The following PLEKHG4B variants were observed in gnomAD, a reference collection of about 807,000 sequenced individuals.
PLEKHG4B encodes the protein pleckstrin homology domain-containing family G member 4B.
PLEKHG4B carries 111 observed loss-of-function variants against 121.3 expected under a neutral mutation model. The ratio of observed to expected loss-of-function variants is 0.92; its 90% CI spans 0.78 to 1.07. The LOEUF is 1.07. Among genes scored for constraint, PLEKHG4B ranks in the 50% least tolerant of loss-of-function variants. The probability of loss-of-function intolerance (pLI) is 0.00; values close to 1 mark genes in which losing one functional copy is unlikely to be tolerated. For missense variants in PLEKHG4B, 1,831 were observed against 1,757.8 expected (o/e 1.04, Z -0.74); for synonymous variants, 738 against 725.0 (o/e 1.02, Z -0.29).
In PLEKHG4B at chr5:183,986, TAGATCGATAGATA is replaced by T. The variant is rs1560961846; in HGVS notation, c.*1664_*1676del. 4.0e-5 allele frequency: 2 copies of T among 49,694 alleles called. No homozygotes were observed. Among genetic ancestry groups the T allele is most frequent in the African/African-American group, 1.2e-4 (2 of 16,994 alleles). 3.1% of individuals were successfully genotyped at this position (49,694 alleles called of 1,614,324 possible). A position where few individuals can be genotyped will look rare whatever the true frequency, so the allele number is the denominator to read the frequency against. The stretch of plus-strand genomic sequence containing the variant: ...ATATACAGACAGATAGATAGATAGA[TAGATCGATAGATA>T]GATAGATAGATAGATAGATAGATAG... On this transcript the variant is annotated 3_prime_UTR_variant, in exon 20 of 20. Coordinates refer to ENST00000637938, the MANE Select transcript of PLEKHG4B (RefSeq NM_052909.5).
intron 14 of PLEKHG4B, among the ~76,000 whole-genome samples, chr5:170,392 T>A (rs1051959091): frequency 6.6e-6 from 1 of 152,046 alleles, no homozygotes; most frequent in Non-Finnish European, 1.5e-5. Flanking sequence ...AGACTCCGCC[T>A]CCCGAGTTCA....
intron 3 of PLEKHG4B, among the ~76,000 whole-genome samples, chr5:141,594 A>G (rs1304086268): frequency 6.6e-6 from 1 of 151,866 alleles, no homozygotes; most frequent in African/African-American, 2.4e-5. Context: ...TCAGTTTCCA[A>G]CTGGAGGCCA....
In PLEKHG4B at chr5:156,653, C is replaced by A; in HGVS notation, c.2349-120C>A. 7.6e-7 allele frequency: 1 copy of A among 1,312,554 alleles called. No individual in the cohort carries two copies. Among genetic ancestry groups the A allele is most frequent in the South Asian group, 1.5e-5 (1 of 65,376 alleles). The allele number at this position is 1,312,554 out of a possible 1,614,324, so 81.3% of individuals were successfully genotyped here. On this transcript the variant is annotated intron_variant, in intron 10 of 19. Transcript: ENST00000637938. This position sits in a 1 kb window ranked among gnomAD's most constrained non-coding sequence, Gnocchi z 4.4. The stretch of plus-strand genomic sequence containing the variant: ...CTCGGTTGTGGGCCTCCTCCTGGGG[C>A]TCCCGTTGCCTTGTGGCATGAGGGA...
chr5:141,710 C>CTT (rs1735210144), intron 3 of PLEKHG4B, among the ~76,000 whole-genome samples: 5 of 126,488 alleles, frequency 4.0e-5, no homozygotes, highest in Non-Finnish European at 6.4e-5. Context: ...TTAAATATTT[C>CTT]ATTTTTTTTT....
At chr5:166,371 G>GA in intron 13 of PLEKHG4B, among the ~76,000 whole-genome samples, 1 of 114,138 alleles carries the variant, frequency 8.8e-6, no homozygotes, top group Non-Finnish European at 1.9e-5. Flanking sequence ...TGCTCTGACG[G>GA]GGCGGGGCTC....
rs111356467 is a variant in PLEKHG4B at position 136,794 on chromosome 5, G to A, written c.244-2689G>A. Among the ~76,000 whole-genome samples the A allele has an allele frequency of 4.3e-3, 661 of 152,306 alleles. 6 individuals carry two copies. The highest frequency in any genetic ancestry group is 0.015 in the African/African-American group (627 of 41,562). ...GACGTAAAATGGTGCAGCTGCTGTG[G>A]AAACAGTTCTTCAAAAGAGTGAACA... On this transcript the variant is annotated intron_variant, in intron 2 of 19. Coordinates refer to ENST00000637938, the MANE Select transcript of PLEKHG4B (RefSeq NM_052909.5).
intron 6 of PLEKHG4B, among the ~76,000 whole-genome samples, chr5:147,247 C>T (rs1414157926): frequency 8.5e-5 from 13 of 152,238 alleles, no homozygotes; most frequent in African/African-American, 1.2e-4. Flanking sequence ...TCAGGAAAGC[C>T]TCAGGGAGGC....
At position 162,959 on chromosome 5, in the gene PLEKHG4B, C is replaced by G; in HGVS notation, c.2887C>G (p.Pro963Ala). The stretch of plus-strand genomic sequence containing the variant: ...GGAAGAGGCCCTTTCTGAGGCTGCC[C>G]CAGACCCCAGCTTACCGCCCCTTGC... ...RLEEALSEAA[P>A]DPSLPPLAQS... The change falls in exon 13 of 20, where the codon CCA becomes GCA. Residue 963 changes from proline to alanine, a missense_variant. Coordinates refer to ENST00000637938, the MANE Select transcript of PLEKHG4B (RefSeq NM_052909.5). The G allele has an allele frequency of 6.4e-7, 1 of 1,561,228 alleles. No individual in the cohort carries two copies.
chr5:110,948 C>G (rs144829408), intron 1 of PLEKHG4B, among the ~76,000 whole-genome samples: 85 of 152,402 alleles, frequency 5.6e-4, no homozygotes, highest in African/African-American at 2.0e-3. Flanking sequence ...TGCAGGTCCC[C>G]TGCCCTGTGT....
At chr5:151,674 A>G (rs1735611354) in intron 7 of PLEKHG4B, 75 bp downstream of exon 7, 3 of 975,750 alleles carry the variant, frequency 3.1e-6, no homozygotes, top group Non-Finnish European at 3.1e-6. Flanking sequence ...GATGAAACAC[A>G]TGAAGGAATT....
rs933123783 is a variant in PLEKHG4B at position 188,944 on chromosome 5, C to G, written c.*6621C>G. On this transcript the variant is annotated 3_prime_UTR_variant, in exon 20 of 20. Transcript: ENST00000637938. Reference sequence around the variant, plus strand: ...AGCGGGTCCTAGGGAGAGGCCCGTGCGACGTGAGTAACAGCAGTTTTTCTT... The same window carrying G: ...AGCGGGTCCTAGGGAGAGGCCCGTGGGACGTGAGTAACAGCAGTTTTTCTT... The G allele has an allele frequency of 6.6e-6, 1 of 152,248 alleles. No individual in the cohort carries two copies. The highest frequency in any genetic ancestry group is 1.5e-5 in the Non-Finnish European group (1 of 68,050). 9.4% of individuals were successfully genotyped at this position (152,248 alleles called of 1,614,324 possible). A position where few individuals can be genotyped will look rare whatever the true frequency, so the allele number is the denominator to read the frequency against.
rs1033492639 is a variant in PLEKHG4B, at chr5:151,567, G to A, written c.1960G>A (p.Ala654Thr). The A allele has an allele frequency of 3.1e-6, 5 of 1,592,360 alleles. No homozygotes were observed. In the African/African-American group the frequency reaches 4.0e-5, roughly 13 times the overall value. Reference protein sequence around the residue: ...SILLLVDKESAFRPDKDAIIQ... With the variant: ...SILLLVDKESTFRPDKDAIIQ... ...CTTGCTGTTGGTAGATAAAGAATCT[G>A]CATTTAGGCCTGACAAGGATGCAAT... is the stretch of plus-strand genomic sequence containing the variant. Residue 654 changes from alanine to threonine, a missense_variant, in exon 7 of 20, where the codon GCA (alanine) becomes ACA (threonine). Transcript: ENST00000637938.
intron 9 of PLEKHG4B, among the ~76,000 whole-genome samples, chr5:155,694 G>A (rs756163851): frequency 5.9e-5 from 9 of 152,204 alleles, no homozygotes; most frequent in Non-Finnish European, 8.8e-5. Context: ...AGGTGTGAGC[G>A]GCAACCGCTG....
In PLEKHG4B at chr5:169,664, CA is replaced by C. The variant is rs1231196756; in HGVS notation, c.3729+73del. 5 of 1,578,492 alleles carry C rather than the reference CA, an allele frequency of 3.2e-6. No homozygotes were observed. In the African/African-American group the frequency reaches 6.7e-5, roughly 21 times the overall value. On this transcript the variant is annotated intron_variant, in intron 14 of 19. Coordinates refer to ENST00000637938, the MANE Select transcript of PLEKHG4B (RefSeq NM_052909.5). ...GCCGGTGTCAGAGAGGCGGGGCCTA[CA>C]GGGCCCACGTGTCAGGCGGTTGGAA...
At chr5:94,482 GGC>G (rs58869228) in intron 1 of PLEKHG4B, among the ~76,000 whole-genome samples, 14 of 112,502 alleles carry the variant, frequency 1.2e-4, no homozygotes, top group South Asian at 2.2e-4. Flanking sequence ...TGGGTGGCGG[GGC>G]TGGAGGGGGT....
chr5:139,932 C>G lies in PLEKHG4B; in HGVS notation c.693C>G (p.Thr231=). Residue 231 remains threonine (T), a synonymous_variant, in exon 3 of 20, where the codon ACC becomes ACG. Transcript: ENST00000637938. This position sits in a 1 kb window ranked among gnomAD's most constrained non-coding sequence, Gnocchi z 5.0. ...GCCCCTCAGAGGCCCCAGTCCCCAC[C>G]CAAGCCACAGCAGGCCCCCATTTCC... is the stretch of plus-strand genomic sequence containing the variant. ...PSSPSEAPVP[T]QATAGPHFQG... 1 of 407,876 alleles carries G rather than the reference C, an allele frequency of 2.5e-6. No homozygotes were observed. The highest frequency in any genetic ancestry group is 4.3e-6 in the Non-Finnish European group (1 of 231,458). 25.3% of individuals were successfully genotyped at this position (407,876 alleles called of 1,614,324 possible).
At chr5:151,749 G>A in intron 7 of PLEKHG4B, 150 bp downstream of exon 7, 1 of 528,368 alleles carries the variant, frequency 1.9e-6, no homozygotes, top group Non-Finnish European at 3.3e-6. Flanking sequence ...GTAAGTTCTT[G>A]CAGGAGTCCT....
intron 5 of PLEKHG4B, 84 bp from the exon 6 acceptor site, chr5:144,743 C>A (rs2126407840): frequency 8.3e-7 from 1 of 1,202,928 alleles, no homozygotes; most frequent in Non-Finnish European, 1.2e-6. Context: ...AAACCAGTAA[C>A]AACTAGCCTC....
chr5:119,432 G>A (rs1734403645), intron 2 of PLEKHG4B, among the ~76,000 whole-genome samples: 1 of 152,110 alleles, frequency 6.6e-6, no homozygotes, highest in Admixed American at 6.5e-5. Context: ...CAGCATAAAT[G>A]GGTTAATGTA....
Sources: allele counts gnomAD v4.1 joint callset (sites outside exome capture counted in the v4.1 genomes callset), GRCh38; gene constraint gnomAD v4.1.1; non-coding constraint Gnocchi (gnomAD v3.1); transcripts MANE v1.5; gene names NCBI Gene and HGNC (gene_info 2026-07-23, HGNC 2026-07-21).